NELL1: variants seen among roughly 807,000 people sequenced by gnomAD.
The protein encoded by NELL1 is protein kinase C-binding protein NELL1.
A neutral mutation model predicts 107.4 loss-of-function variants in NELL1; 76 were observed. The observed-to-expected ratio is 0.71, with a 90% CI of 0.59 to 0.86. The LOEUF is 0.86. Ranked by LOEUF, NELL1 falls within the 40% of genes least tolerant of loss-of-function variation. NELL1 has a pLI of 0.00. For missense variants in NELL1, 1,024 were observed against 1,005.5 expected, an observed-to-expected ratio of 1.02 and a Z score of -0.25; for synonymous variants, 353 against 341.2, an observed-to-expected ratio of 1.03 and a Z score of -0.38.
At chr11:20,965,011 C>T (rs1161245127) in intron 12 of NELL1, among the ~76,000 whole-genome samples, 6 of 151,962 alleles carry the variant, frequency 3.9e-5, no homozygotes, top group African/African-American at 9.7e-5. Flanking sequence ...TGCGTAATAG[C>T]GTAAGCCTAC....
chr11:21,391,158 A>G (rs557631812), intron 15 of NELL1, among the ~76,000 whole-genome samples: 15 of 151,926 alleles, frequency 9.9e-5, no homozygotes, highest in African/African-American at 3.6e-4. Flanking sequence ...TATATAAAAC[A>G]TTTTTCATCA....
intron 13 of NELL1, among the ~76,000 whole-genome samples, chr11:21,114,808 C>T (rs2133731255): frequency 6.6e-6 from 1 of 152,014 alleles, no homozygotes; most frequent in South Asian, 2.1e-4. Flanking sequence ...ACATAGTGCG[C>T]TAGGATTTCA....
intron 14 of NELL1, among the ~76,000 whole-genome samples, chr11:21,294,608 C>T (rs937343218): frequency 6.6e-6 from 1 of 151,818 alleles, no homozygotes; most frequent in African/African-American, 2.4e-5. Context: ...ATTTTCGTAT[C>T]GACCTAATCT....
At chr11:21,330,867 A>G (rs1477273044) in intron 14 of NELL1, among the ~76,000 whole-genome samples, 1 of 151,996 alleles carries the variant, frequency 6.6e-6, no homozygotes, top group Non-Finnish European at 1.5e-5. Flanking sequence ...TGGTACAATT[A>G]ATGGTGGTCT....
At chr11:21,393,184 T>C (rs1010622121) in intron 15 of NELL1, among the ~76,000 whole-genome samples, 6 of 151,632 alleles carry the variant, frequency 4.0e-5, no homozygotes, top group Non-Finnish European at 8.9e-5. Flanking sequence ...GCCACAGAGA[T>C]GAGCTCTGAG....
intron 2 of NELL1, among the ~76,000 whole-genome samples, chr11:20,734,517 A>C (rs1855717446): frequency 6.6e-6 from 1 of 152,184 alleles, no homozygotes; most frequent in East Asian, 1.9e-4. Context: ...TATATTTTAT[A>C]GGTAGAGACA....
chr11:20,859,046 G>A (rs963543033), intron 4 of NELL1, among the ~76,000 whole-genome samples: 1 of 152,218 alleles, frequency 6.6e-6, no homozygotes, highest in Non-Finnish European at 1.5e-5. Context: ...ACCTGTGCCT[G>A]CTTCGTCATT....
intron 14 of NELL1, 129 bp from the exon 15 acceptor site, chr11:21,370,724 T>C (rs1851338568): frequency 4.7e-6 from 3 of 638,964 alleles, no homozygotes; most frequent in Non-Finnish European, 8.1e-6. Context: ...TATGGAATTT[T>C]TAAATGTATC....
At chr11:21,477,247 G>T (rs1385299713) in intron 15 of NELL1, among the ~76,000 whole-genome samples, 1 of 152,072 alleles carries the variant, frequency 6.6e-6, no homozygotes, top group African/African-American at 2.4e-5. Flanking sequence ...ACTTTGCCTT[G>T]TAATGTGGAT....
intron 2 of NELL1, chr11:20,769,430 C>G (rs1856598064): frequency 6.6e-6 from 1 of 152,232 alleles, no homozygotes; most frequent in Non-Finnish European, 1.5e-5. Context: ...TGGCCATTAA[C>G]TTTGGCACAA....
intron 7 of NELL1, among the ~76,000 whole-genome samples, chr11:20,921,688 A>C (rs1850379209): frequency 6.6e-6 from 1 of 152,152 alleles, no homozygotes; most frequent in South Asian, 2.1e-4. Context: ...AGCTGAACTA[A>C]AGTTTTCAGA....
At chr11:20,803,714 G>A (rs1857324166) in intron 3 of NELL1, among the ~76,000 whole-genome samples, 2 of 152,082 alleles carry the variant, frequency 1.3e-5, no homozygotes, top group South Asian at 4.1e-4. Flanking sequence ...CAACTTGATT[G>A]GATTGAAAGA....
At chr11:20,837,225 A>G (rs187101831) in intron 3 of NELL1, among the ~76,000 whole-genome samples, 12 of 152,278 alleles carry the variant, frequency 7.9e-5, no homozygotes, top group African/African-American at 2.9e-4. Flanking sequence ...CAGAAAGTGA[A>G]TAATTAATTA....
chr11:21,185,738 G>T (rs1397767841), intron 13 of NELL1, among the ~76,000 whole-genome samples: 1 of 151,836 alleles, frequency 6.6e-6, no homozygotes, highest in African/African-American at 2.4e-5. Flanking sequence ...TCTTAGTGCA[G>T]TGTCTGTCAT....
At chr11:21,119,132 A>T (rs1855302566) in intron 13 of NELL1, among the ~76,000 whole-genome samples, 1 of 152,058 alleles carries the variant, frequency 6.6e-6, no homozygotes. Flanking sequence ...TTGCTTGCCA[A>T]ATCAATCCCT....
intron 15 of NELL1, among the ~76,000 whole-genome samples, chr11:21,505,682 A>C (rs1437113377): frequency 1.3e-5 from 2 of 152,148 alleles, no homozygotes; most frequent in Non-Finnish European, 2.9e-5. Flanking sequence ...GGTTCAATTG[A>C]GATATCTTTC....
At chr11:20,855,691 AT>A (rs1189506843) in intron 4 of NELL1, among the ~76,000 whole-genome samples, 1 of 152,206 alleles carries the variant, frequency 6.6e-6, no homozygotes, top group Admixed American at 6.5e-5. Flanking sequence ...ATGCATGGTT[AT>A]TTTTTAAAGA....
intron 5 of NELL1, among the ~76,000 whole-genome samples, chr11:20,896,576 T>C (rs1459992854): frequency 6.6e-6 from 1 of 152,220 alleles, no homozygotes; most frequent in African/African-American, 2.4e-5. Context: ...GTTAATAGTT[T>C]ACATTCACAC....
intron 13 of NELL1, among the ~76,000 whole-genome samples, chr11:21,141,728 C>T (rs1855872286): frequency 6.6e-6 from 1 of 150,600 alleles, no homozygotes; most frequent in Non-Finnish European, 1.5e-5. Flanking sequence ...TACCCTCCTC[C>T]TCTATCCTTT....
Sources: gnomAD v4.1 joint callset for allele counts (sites outside exome capture counted in the v4.1 genomes callset) on GRCh38, gnomAD v4.1.1 for gene constraint, MANE v1.5 for transcripts, NCBI Gene and HGNC (gene_info 2026-07-23, HGNC 2026-07-21) for gene names.